Variants in MOK observed in about 807,000 individuals in gnomAD.
The protein encoded by MOK is MAPK/MAK/MRK overlapping kinase.
Under a neutral mutation model 54.2 loss-of-function variants are expected in MOK, and 59 were observed. The ratio of observed to expected loss-of-function variants is 1.09; its 90% CI spans 0.88 to 1.35. The LOEUF (loss-of-function observed/expected upper bound fraction) is 1.35. Ranked by LOEUF, MOK falls within the 40% of genes most tolerant of loss-of-function variation. The probability of loss-of-function intolerance (pLI) is 0.00; values close to 1 mark genes in which losing one functional copy is unlikely to be tolerated. For synonymous variants in MOK, 210 were observed against 202.7 expected (o/e 1.04, Z -0.31); for missense variants, 517 against 526.2 (o/e 0.98, Z 0.17).
chr14:102,230,425 G>T lies in MOK; in HGVS notation c.982-768C>A, dbSNP rs1181064792. On this transcript the variant is annotated intron_variant, in intron 10 of 11. Coordinates refer to ENST00000361847, the MANE Select transcript of MOK (RefSeq NM_014226.3). The surrounding 1 kb of genome is among the most constrained non-coding windows in gnomAD (Gnocchi z 4.1). Reference sequence around the variant, plus strand: ...TGAAATTCAAATTTTAGTGTCCCCAGTTCTACTGGAACGCAGCCCCTATGT... The same window carrying T: ...TGAAATTCAAATTTTAGTGTCCCCATTTCTACTGGAACGCAGCCCCTATGT... The T allele has an allele frequency of 1.3e-5, 2 of 152,234 alleles. No individual in the cohort carries two copies. The highest frequency in any genetic ancestry group is 4.8e-5 in the African/African-American group (2 of 41,438). The allele number at this position is 152,234 out of a possible 1,614,324, so 9.4% of individuals were successfully genotyped here.
chr14:102,301,919 T>C (rs1205435368), intron 1 of MOK, among the ~76,000 whole-genome samples: 2 of 152,170 alleles, frequency 1.3e-5, no homozygotes, highest in East Asian at 1.9e-4. Flanking sequence ...ATTTTTTTTT[T>C]CTTGTATTTT....
chr14:102,279,880 T>C (rs1689492840), intron 2 of MOK, among the ~76,000 whole-genome samples: 1 of 151,936 alleles, frequency 6.6e-6, no homozygotes, highest in Admixed American at 6.6e-5. Flanking sequence ...GCCATCCGTT[T>C]CTATTTGAAT....
downstream of MOK, chr14:102,228,768 C>T (rs1255882406): frequency 6.6e-6 from 1 of 152,532 alleles, no homozygotes; most frequent in Non-Finnish European, 1.5e-5. Context: ...CTCGTGTGCC[C>T]ACAAAAGCTA....
chr14:102,272,578 G>T (rs2068467546), intron 2 of MOK, among the ~76,000 whole-genome samples: 1 of 152,074 alleles, frequency 6.6e-6, no homozygotes, highest in Non-Finnish European at 1.5e-5. Flanking sequence ...TTATGACTAA[G>T]TGGGGAATCC....
At chr14:102,271,939 T>C (rs1355709817) in intron 2 of MOK, among the ~76,000 whole-genome samples, 1 of 152,164 alleles carries the variant, frequency 6.6e-6, no homozygotes, top group Non-Finnish European at 1.5e-5. Flanking sequence ...AGTGCAGTAG[T>C]GTAATCACTG....
At chr14:102,275,897 T>C (rs190864852) in intron 2 of MOK, among the ~76,000 whole-genome samples, 2 of 152,342 alleles carry the variant, frequency 1.3e-5, no homozygotes, top group Admixed American at 1.3e-4. Context: ...GCAAACAGCC[T>C]AATTTTTAAA....
Position 102,229,340 on chromosome 14 carries a change from A to G in MOK, c.1209T>C (p.Pro403=), listed in dbSNP as rs1006135402. Residue 403 remains proline, a synonymous_variant, in exon 12 of 12, where the codon CCT becomes CCC. Transcript: ENST00000361847. ...TGGGCAGGCGACACTGCTGCGGGGC[A>G]GGCTTAAGGTCCTTCTGCGGATCTG... ...KKTDPQKDLK[P]APQQCRLPTI... The G allele has an allele frequency of 3.1e-6, 5 of 1,613,958 alleles. No homozygotes were observed. The highest frequency in any genetic ancestry group is 3.4e-6 in the Non-Finnish European group (4 of 1,179,958).
At chr14:102,293,701 CAAAAAAAA>C (rs10598736) in intron 1 of MOK, among the ~76,000 whole-genome samples, 4 of 54,610 alleles carry the variant, frequency 7.3e-5, no homozygotes, top group East Asian at 9.7e-4. Context: ...AACTCCATCA[CAAAAAAAA>C]AAAAAAAAAA....
In MOK at chr14:102,236,226, C is replaced by T. The variant is rs890100186; in HGVS notation, c.591-2437G>A. Among the ~76,000 whole-genome samples the T allele has an allele frequency of 9.2e-5, 14 of 152,240 alleles. No individual in the cohort carries two copies. Among genetic ancestry groups the T allele is most frequent in the Admixed American group, 2.6e-4 (4 of 15,290 alleles). On this transcript the variant is annotated intron_variant, in intron 7 of 11. Coordinates refer to ENST00000361847, the MANE Select transcript of MOK (RefSeq NM_014226.3). This position sits in a 1 kb window ranked among gnomAD's most constrained non-coding sequence, Gnocchi z 4.5. ...CTCAGCCTAGCCGCTGAGGACTGAC[C>T]GGGCCCAGGGCCCCCGGCCCCATCT...
At chr14:102,298,792 G>A (rs190575801) in intron 1 of MOK, among the ~76,000 whole-genome samples, 23 of 152,230 alleles carry the variant, frequency 1.5e-4, no homozygotes, top group Admixed American at 9.2e-4. Context: ...CACTCTTTGG[G>A]TCCAGGCTGC....
intron 4 of MOK, among the ~76,000 whole-genome samples, chr14:102,261,866 C>T (rs1487173586): frequency 3.5e-5 from 5 of 142,416 alleles, no homozygotes; most frequent in African/African-American, 1.1e-4. Flanking sequence ...TTTTTTGAGA[C>T]GGAGTCTCGC....
intron 1 of MOK, among the ~76,000 whole-genome samples, 190 bp from the exon 2 acceptor site, chr14:102,283,782 C>T (rs956791413): frequency 1.3e-5 from 2 of 152,196 alleles, no homozygotes; most frequent in Non-Finnish European, 2.9e-5. Flanking sequence ...TCATTTCCTT[C>T]CAGTCTGTGC....
chr14:102,228,013 C>G (rs2064324095), downstream of MOK, among the ~76,000 whole-genome samples: 1 of 152,214 alleles, frequency 6.6e-6, no homozygotes, highest in Non-Finnish European at 1.5e-5. Context: ...GTTACTTTCC[C>G]AGATAAACAA....
chr14:102,303,521 C>G (rs1352461261), intron 1 of MOK, among the ~76,000 whole-genome samples: 1 of 152,130 alleles, frequency 6.6e-6, no homozygotes, highest in African/African-American at 2.4e-5. Flanking sequence ...CAACAGAATA[C>G]AATTGGTGAT....
intron 4 of MOK, among the ~76,000 whole-genome samples, chr14:102,252,309 G>T (rs929870814): frequency 6.6e-6 from 1 of 152,034 alleles, no homozygotes; most frequent in Non-Finnish European, 1.5e-5. Context: ...ACAAAAATTT[G>T]CCGGGTGTGG....
downstream of MOK, chr14:102,222,875 G>T (rs1478505020): frequency 6.2e-7 from 1 of 1,614,110 alleles, no homozygotes; most frequent in African/African-American, 1.3e-5. This position sits in a 1 kb window ranked among gnomAD's most constrained non-coding sequence, Gnocchi z 4.4. Flanking sequence ...AGGTGGAACT[G>T]TAGTGTAGCG....
At chr14:102,293,162 A>G (rs1214866699) in intron 1 of MOK, among the ~76,000 whole-genome samples, 1 of 152,148 alleles carries the variant, frequency 6.6e-6, no homozygotes, top group Admixed American at 6.6e-5. Flanking sequence ...ACAAACAAAA[A>G]ACTTCATAAA....
At position 102,261,423 on chromosome 14, in the gene MOK, A is replaced by G. The variant is rs1163412357; in HGVS notation, c.283+2123T>C. Among the ~76,000 whole-genome samples, 123 of 28,680 alleles carry G rather than the reference A, an allele frequency of 4.3e-3. 1 individual carries two copies. Among genetic ancestry groups the G allele is most frequent in the African/African-American group, 0.014 (123 of 8,570 alleles). 18.8% of individuals were successfully genotyped at this position (28,680 alleles called of 152,430 possible). A position where few individuals can be genotyped will look rare whatever the true frequency, so the allele number is the denominator to read the frequency against. ...AAAAAAAAAAAAAAAAAAAAAATATATATATATATATATATATATATATAT... is the reference window on the plus strand; with the variant it reads ...AAAAAAAAAAAAAAAAAAAAAATATGTATATATATATATATATATATATAT... On this transcript the variant is annotated intron_variant, in intron 4 of 11. Transcript: ENST00000361847.
chr14:102,232,536 T>C lies in MOK; in HGVS notation c.865A>G (p.Arg289Gly), dbSNP rs758366870. Reference sequence around the variant, plus strand: ...CACCGAACCCACGAGAGTGCCTACCTCTGTTCTTGGAAGTAGGGGTGCTGC... The same window carrying C: ...CACCGAACCCACGAGAGTGCCTACCCCTGTTCTTGGAAGTAGGGGTGCTGC... ...ALQHPYFQEQ[R>G]KTEKRALGSH... Residue 289 changes from arginine to glycine, a missense_variant and splice_region_variant, in exon 9 of 12, where the codon AGG becomes GGG. Physicochemically the swap from Arg to Gly is moderately radical, Grantham distance 125. Coordinates refer to ENST00000361847, the MANE Select transcript of MOK (RefSeq NM_014226.3). This position sits in a 1 kb window ranked among gnomAD's most constrained non-coding sequence, Gnocchi z 5.1. 9.9e-6 allele frequency: 16 copies of C among 1,612,536 alleles called. No homozygotes were observed. Among genetic ancestry groups the C allele is most frequent in the Non-Finnish European group, 1.3e-5 (15 of 1,179,120 alleles).
Sources: allele counts gnomAD v4.1 joint callset (sites outside exome capture counted in the v4.1 genomes callset), GRCh38; gene constraint gnomAD v4.1.1; non-coding constraint Gnocchi (gnomAD v3.1); transcripts MANE v1.5; gene names NCBI Gene and HGNC (gene_info 2026-07-23, HGNC 2026-07-21).